The following PLA1A variants were observed in gnomAD, a reference collection of about 807,000 sequenced individuals.
PLA1A encodes phospholipase A1 member A, also known as phosphatidylserine-specific phospholipase A1alpha.
Under a neutral mutation model 49.4 loss-of-function variants are expected in PLA1A, and 47 were observed. The observed-to-expected ratio is 0.95, with a 90% confidence interval of 0.75 to 1.21. The LOEUF (loss-of-function observed/expected upper bound fraction) is 1.21, where lower values mean the gene tolerates loss of function less well. Ranked by LOEUF, PLA1A falls within the 50% of genes most tolerant of loss-of-function variation. The pLI, the probability that PLA1A is intolerant of heterozygous loss-of-function variation, is 0.00. For missense variants in PLA1A, 561 were observed against 563.9 expected (o/e 0.99, Z 0.05); for synonymous variants, 224 against 207.9 (o/e 1.08, Z -0.67).
chr3:119,608,718 G>T, intron 2 of PLA1A, 52 bp from the exon 3 acceptor site: 1 of 1,367,362 alleles, frequency 7.3e-7, no homozygotes, highest in South Asian at 1.2e-5. Flanking sequence ...CCATGACAAT[G>T]AATATCCACT....
chr3:119,601,758 T>A (rs75442702), intron 1 of PLA1A, among the ~76,000 whole-genome samples: 3,502 of 152,294 alleles, frequency 0.023, 61 homozygotes, highest in Middle Eastern at 0.065. Context: ...ATAGCAGACA[T>A]TTCTTATCTG....
At chr3:119,601,966 T>C (rs1435767138) in intron 1 of PLA1A, among the ~76,000 whole-genome samples, 2 of 152,176 alleles carry the variant, frequency 1.3e-5, no homozygotes, top group African/African-American at 4.8e-5. Flanking sequence ...AATACTTTTT[T>C]TAATGTTAAA....
At position 119,619,638 on chromosome 3, in the gene PLA1A, G is replaced by A; in HGVS notation, c.998G>A (p.Ser333Asn). Residue 333 changes from serine (S) to asparagine (N), a missense_variant, in exon 8 of 11, where the codon AGT becomes AAT. Transcript: ENST00000273371. ...EVKVYLLTTS[S>N]APYCMHHSLV... ...AAAGTCTACCTCCTGACTACTTCCA[G>A]TGCTCCGTACTGCAGTGAGTAGGGG... The A allele has an allele frequency of 6.2e-7, 1 of 1,610,320 alleles. No homozygotes were observed. The highest frequency in any genetic ancestry group is 2.2e-5 in the East Asian group (1 of 44,864).
chr3:119,615,883 C>T (rs930683888), intron 5 of PLA1A, 129 bp from the exon 6 acceptor site: 19 of 646,334 alleles, frequency 2.9e-5, no homozygotes, highest in East Asian at 1.1e-4. Context: ...AGGGCTCATC[C>T]TGTGAAGTCT....
intron 1 of PLA1A, among the ~76,000 whole-genome samples, chr3:119,605,548 G>A (rs865846797): frequency 5.3e-5 from 8 of 152,252 alleles, no homozygotes; most frequent in African/African-American, 1.7e-4. Context: ...ACCGAAGTCT[G>A]CAATCTGGAT....
At chr3:119,602,015 C>A (rs1375355671) in intron 1 of PLA1A, among the ~76,000 whole-genome samples, 1 of 151,960 alleles carries the variant, frequency 6.6e-6, no homozygotes, top group African/African-American at 2.4e-5. Flanking sequence ...GCCCAGCAAA[C>A]CTTGCTGGGC....
In PLA1A at chr3:119,628,745, C is replaced by G; in HGVS notation, c.1166C>G (p.Thr389Ser). ...GGGAAAGGAATCATAGCCCATGCCA[C>G]CCCACAATGCCAGATAAACCAAGTG... is the stretch of plus-strand genomic sequence containing the variant. ...RYGKGIIAHA[T>S]PQCQINQVKF... Residue 389 changes from threonine (T) to serine (S), a missense_variant, in exon 10 of 11, where the codon ACC (threonine) becomes AGC (serine). By Grantham distance (58) the Thr-to-Ser change is moderately conservative. Coordinates refer to ENST00000273371, the MANE Select transcript of PLA1A (RefSeq NM_015900.4). The G allele has an allele frequency of 6.2e-7, 1 of 1,614,052 alleles. No homozygotes were observed. The highest frequency in any genetic ancestry group is 8.5e-7 in the Non-Finnish European group (1 of 1,179,914).
intron 1 of PLA1A, among the ~76,000 whole-genome samples, chr3:119,604,465 A>G (rs1055869926): frequency 2.0e-5 from 3 of 152,226 alleles, no homozygotes; most frequent in Non-Finnish European, 4.4e-5. Flanking sequence ...TTGCAGCAAC[A>G]TGGATGGAAC....
chr3:119,613,155 G>A lies in PLA1A; in HGVS notation c.664+37G>A, dbSNP rs749717222. On this transcript the variant is annotated intron_variant, in intron 5 of 10. Transcript: ENST00000273371. Reference sequence around the variant, plus strand: ...TGACCTTCCTGGGATGAGGGAATGAGCTCAAGGCAGCGCCTAGGAGGCTGG... The same window carrying A: ...TGACCTTCCTGGGATGAGGGAATGAACTCAAGGCAGCGCCTAGGAGGCTGG... 113 of 1,385,330 alleles carry A rather than the reference G, an allele frequency of 8.2e-5. No individual in the cohort carries two copies. In the Admixed American group the frequency reaches 8.8e-4, roughly 11 times the overall value. 85.8% of individuals were successfully genotyped at this position (1,385,330 alleles called of 1,614,324 possible). A position where few individuals can be genotyped will look rare whatever the true frequency, so the allele number is the denominator to read the frequency against.
intron 7 of PLA1A, among the ~76,000 whole-genome samples, chr3:119,618,534 C>A (rs2082884615): frequency 6.6e-6 from 1 of 152,166 alleles, no homozygotes; most frequent in Non-Finnish European, 1.5e-5. Context: ...CCTTCATAGA[C>A]CCTAAATCTA....
At chr3:119,623,253 C>T (rs2082970151) in intron 8 of PLA1A, among the ~76,000 whole-genome samples, 2 of 151,858 alleles carry the variant, frequency 1.3e-5, no homozygotes, top group Non-Finnish European at 2.9e-5. Flanking sequence ...GTGATCCTCC[C>T]ACCTCAGCCT....
chr3:119,626,193 G>A (rs1350664829), intron 9 of PLA1A, among the ~76,000 whole-genome samples: 1 of 152,210 alleles, frequency 6.6e-6, no homozygotes, highest in Non-Finnish European at 1.5e-5. Context: ...TGCTTGGCAG[G>A]AGCTGAACCC....
chr3:119,629,363 CTT>C lies in PLA1A; in HGVS notation c.1287-20_1287-19del. Reference sequence around the variant, plus strand: ...CTGTCTCCTCACCAGCCACTGCTCTCTTATTGCTCTTCTCTTCCAGAGAAAAG... The same window carrying C: ...CTGTCTCCTCACCAGCCACTGCTCTCATTGCTCTTCTCTTCCAGAGAAAAG... On this transcript the variant is annotated intron_variant, in intron 10 of 10. Transcript: ENST00000273371. 2.0e-6 allele frequency: 3 copies of C among 1,476,216 alleles called. No individual in the cohort carries two copies. Among genetic ancestry groups the C allele is most frequent in the Non-Finnish European group, 2.8e-6 (3 of 1,054,350 alleles). The allele number at this position is 1,476,216 out of a possible 1,614,324, so 91.4% of individuals were successfully genotyped here.
At position 119,622,149 on chromosome 3, in the gene PLA1A, G is replaced by GGAAGAAGAAGAA. The variant is rs59447645; in HGVS notation, c.1012+2547_1012+2558dup. Among the ~76,000 whole-genome samples the GGAAGAAGAAGAA allele has an allele frequency of 5.4e-3, 680 of 126,244 alleles. 4 individuals carry two copies. The highest frequency in any genetic ancestry group is 5.6e-3 in the Non-Finnish European group (356 of 63,870). 82.8% of individuals were successfully genotyped at this position (126,244 alleles called of 152,430 possible). A position where few individuals can be genotyped will look rare whatever the true frequency, so the allele number is the denominator to read the frequency against. On this transcript the variant is annotated intron_variant, in intron 8 of 10. Transcript: ENST00000273371. ...AAGAAGAGGAAGAGGAGGAGGAGGA[G>GGAAGAAGAAGAA]GAAGAAGAAGAAGAAGAAGAAGAAG... is the stretch of plus-strand genomic sequence containing the variant.
intron 7 of PLA1A, among the ~76,000 whole-genome samples, chr3:119,619,296 G>T (rs2082895522): frequency 6.6e-6 from 1 of 152,254 alleles, no homozygotes; most frequent in South Asian, 2.1e-4. Flanking sequence ...GTTAGAGACA[G>T]ATTAGTGTCA....
chr3:119,620,884 C>T (rs2107795983), intron 8 of PLA1A, among the ~76,000 whole-genome samples: 1 of 152,304 alleles, frequency 6.6e-6, no homozygotes, highest in Non-Finnish European at 1.5e-5. Flanking sequence ...GTGGCATGCC[C>T]AAGTCTCCAC....
intron 1 of PLA1A, 115 bp downstream of exon 1, chr3:119,598,101 T>A (rs924162812): frequency 6.8e-5 from 40 of 586,258 alleles, no homozygotes; most frequent in Non-Finnish European, 9.3e-5. Flanking sequence ...TTGCCTCTTC[T>A]GAGGTGAATT....
At chr3:119,629,132 G>A (rs1399230104) in intron 10 of PLA1A, among the ~76,000 whole-genome samples, 1 of 152,098 alleles carries the variant, frequency 6.6e-6, no homozygotes. Flanking sequence ...CTCCTCTGTG[G>A]CCTCCACTCC....
intron 2 of PLA1A, among the ~76,000 whole-genome samples, chr3:119,607,885 G>A (rs1012181619): frequency 6.6e-6 from 1 of 152,116 alleles, no homozygotes; most frequent in Admixed American, 6.6e-5. Flanking sequence ...CCCAGTCCGC[G>A]CTCCTCTGTC....
Sources: gnomAD v4.1 joint callset for allele counts (sites outside exome capture counted in the v4.1 genomes callset) on GRCh38, gnomAD v4.1.1 for gene constraint, MANE v1.5 for transcripts, NCBI Gene and HGNC (gene_info 2026-07-23, HGNC 2026-07-21) for gene names.